The following MBTPS1 variants were observed in gnomAD, a reference collection of about 807,000 sequenced individuals.
MBTPS1 encodes the protein membrane-bound transcription factor site-1 protease.
MBTPS1 carries 94 observed loss-of-function variants against 127.8 expected under a neutral mutation model. The ratio of observed to expected loss-of-function variants is 0.74; its 90% confidence interval spans 0.62 to 0.87. The LOEUF (loss-of-function observed/expected upper bound fraction) is 0.87. Ranked by LOEUF, MBTPS1 falls within the 40% of genes least tolerant of loss-of-function variation. The pLI, the probability that MBTPS1 is intolerant of heterozygous loss-of-function variation, is 0.00. For synonymous variants in MBTPS1, 632 were observed against 509.4 expected (o/e 1.24, Z -3.24); for missense variants, 1,636 against 1,353.2 (o/e 1.21, Z -3.28).
chr16:84,093,565 G>C (rs1333427425), intron 5 of MBTPS1, 146 bp downstream of exon 5: 2 of 680,588 alleles, frequency 2.9e-6, no homozygotes, highest in East Asian at 5.4e-5. Context: ...CATCCTATGA[G>C]GTATTCAGAG....
chr16:84,115,928 G>A (rs1047487063), intron 1 of MBTPS1, among the ~76,000 whole-genome samples: 2 of 122,100 alleles, frequency 1.6e-5, no homozygotes, highest in Non-Finnish European at 3.3e-5. Context: ...AATAATAAAA[G>A]CGGATTCTCC....
At chr16:84,085,581 CAA>C (rs71148876) in intron 9 of MBTPS1, among the ~76,000 whole-genome samples, 18,242 of 108,342 alleles carry the variant, frequency 0.17, 2,258 homozygotes, top group Non-Finnish European at 0.21. Context: ...GCCCCCCCCC[CAA>C]AAAAAAAGAG....
intron 15 of MBTPS1, 91 bp from the exon 16 acceptor site, chr16:84,067,914 A>C: frequency 8.6e-5 from 109 of 1,261,490 alleles, no homozygotes; most frequent in Non-Finnish European, 1.1e-4. Flanking sequence ...TACATGTCTC[A>C]GGTTACTGAC....
intron 19 of MBTPS1, 90 bp from the exon 20 acceptor site, chr16:84,060,903 A>G: frequency 3.2e-6 from 4 of 1,262,212 alleles, no homozygotes; most frequent in Non-Finnish European, 4.4e-6. Flanking sequence ...GCGCAATCAT[A>G]GCTCACTGCA....
intron 12 of MBTPS1, among the ~76,000 whole-genome samples, chr16:84,071,203 C>T (rs974041857): frequency 2.6e-5 from 4 of 152,168 alleles, no homozygotes; most frequent in African/African-American, 4.8e-5. Context: ...CCAGCTGTCC[C>T]GAGTCACATT....
At position 84,113,382 on chromosome 16, in the gene MBTPS1, T is replaced by C. The variant is rs893016122; in HGVS notation, c.-325+3353A>G. ...CGTACCTATGGGTTTTTCATGAGAA[T>C]GATTACACCTCTAATACACGTATAA... On this transcript the variant is annotated intron_variant, in intron 1 of 22. Coordinates refer to ENST00000343411, the MANE Select transcript of MBTPS1 (RefSeq NM_003791.4). Among the ~76,000 whole-genome samples the C allele has an allele frequency of 5.9e-5, 9 of 152,346 alleles. No individual in the cohort carries two copies. The East Asian group carries it at 9.6e-4, about 16-fold the overall frequency.
intron 4 of MBTPS1, among the ~76,000 whole-genome samples, chr16:84,094,613 A>T (rs929815491): frequency 5.3e-5 from 8 of 152,244 alleles, no homozygotes; most frequent in African/African-American, 1.9e-4. Flanking sequence ...TATCAATACT[A>T]TGTTAAATAA....
At chr16:84,084,894 G>A in intron 10 of MBTPS1, 89 bp downstream of exon 10, 1 of 1,425,814 alleles carries the variant, frequency 7.0e-7, no homozygotes, top group South Asian at 1.3e-5. Flanking sequence ...CCAAGACAGG[G>A]CAGAAGCAAG....
chr16:84,115,762 G>T (rs1051008703), intron 1 of MBTPS1, among the ~76,000 whole-genome samples: 1 of 152,210 alleles, frequency 6.6e-6, no homozygotes, highest in Non-Finnish European at 1.5e-5. Context: ...GGCATCAGAG[G>T]TCTTGGGGTA....
At chr16:84,091,577 T>C (rs1350525328) in intron 7 of MBTPS1, among the ~76,000 whole-genome samples, 155 bp downstream of exon 7, 1 of 151,114 alleles carries the variant, frequency 6.6e-6, no homozygotes. Context: ...ATTTATGACA[T>C]GCAAATCACT....
At chr16:84,066,127 C>G (rs1478499270) in intron 17 of MBTPS1, among the ~76,000 whole-genome samples, 1 of 152,164 alleles carries the variant, frequency 6.6e-6, no homozygotes, top group Non-Finnish European at 1.5e-5. Context: ...GTTCTCAAAA[C>G]CAGCTACCAA....
chr16:84,114,923 G>A (rs1003496196), intron 1 of MBTPS1, among the ~76,000 whole-genome samples: 1 of 150,556 alleles, frequency 6.6e-6, no homozygotes, highest in Non-Finnish European at 1.5e-5. Flanking sequence ...AGTCTTCCAA[G>A]TTTTTTTTTG....
At position 84,093,016 on chromosome 16, in the gene MBTPS1, C is replaced by A. The variant is rs985775745; in HGVS notation, c.846+172G>T. On this transcript the variant is annotated intron_variant, in intron 6 of 22. Coordinates refer to ENST00000343411, the MANE Select transcript of MBTPS1 (RefSeq NM_003791.4). ...GACACAGTGGTTGGTGGGAGAAGGG[C>A]GGAGCCACCCAGGAGGCAGAGGAAC... Among the ~76,000 whole-genome samples the A allele has an allele frequency of 2.0e-5, 3 of 152,166 alleles. No individual in the cohort carries two copies. The South Asian group carries it at 6.2e-4, about 32-fold the overall frequency.
intron 10 of MBTPS1, among the ~76,000 whole-genome samples, chr16:84,082,534 G>C (rs182040219): frequency 6.6e-6 from 1 of 152,282 alleles, no homozygotes; most frequent in East Asian, 1.9e-4. Context: ...GACCTGGCTA[G>C]GAACTTAGCC....
In MBTPS1 at chr16:84,116,769, G is replaced by A. The variant is rs1483465562; in HGVS notation, c.-359C>T. The A allele has an allele frequency of 6.6e-6, 1 of 152,094 alleles. No homozygotes were observed. The highest frequency in any genetic ancestry group is 1.5e-5 in the Non-Finnish European group (1 of 68,024). 9.4% of individuals were successfully genotyped at this position (152,094 alleles called of 1,614,324 possible). ...CGGGAGCTCAGGGCCGGCGGGCCCGGGATAACGGCGCCTCCGCGGCGAACA... is the reference window on the plus strand; with the variant it reads ...CGGGAGCTCAGGGCCGGCGGGCCCGAGATAACGGCGCCTCCGCGGCGAACA... On this transcript the variant is annotated 5_prime_UTR_variant, in exon 1 of 23. Coordinates refer to ENST00000343411, the MANE Select transcript of MBTPS1 (RefSeq NM_003791.4).
At chr16:84,082,129 T>C (rs138692427) in intron 10 of MBTPS1, 179 of 364,146 alleles carry the variant, frequency 4.9e-4, no homozygotes, top group African/African-American at 3.5e-3. Context: ...GACCCACTTA[T>C]GCTAAATGCA....
At position 84,102,109 on chromosome 16, in the gene MBTPS1, T is replaced by A; in HGVS notation, c.-324-2A>T. The A allele has an allele frequency of 4.9e-6, 1 of 204,776 alleles. No homozygotes were observed. The highest frequency in any genetic ancestry group is 9.9e-6 in the Non-Finnish European group (1 of 101,220). The allele number at this position is 204,776 out of a possible 1,614,324, so 12.7% of individuals were successfully genotyped here. ...ATCAATCAACCACTGTGAGCCAATCTATGAAACAAAAAACAGTGCACACAG... is the reference window on the plus strand; with the variant it reads ...ATCAATCAACCACTGTGAGCCAATCAATGAAACAAAAAACAGTGCACACAG... On this transcript the variant is annotated splice_acceptor_variant, in intron 1 of 22. Coordinates refer to ENST00000343411, the MANE Select transcript of MBTPS1 (RefSeq NM_003791.4). LOFTEE classifies it low-confidence loss of function (5UTR_SPLICE).
chr16:84,111,546 AAAAAAAG>A (rs2086397153), intron 1 of MBTPS1, among the ~76,000 whole-genome samples: 1 of 152,210 alleles, frequency 6.6e-6, no homozygotes, highest in Admixed American at 6.5e-5. Context: ...ATCTCAAAAA[AAAAAAAG>A]AAAAAAGAAA....
intron 14 of MBTPS1, among the ~76,000 whole-genome samples, chr16:84,068,730 T>C (rs2085727131): frequency 6.6e-6 from 1 of 152,244 alleles, no homozygotes; most frequent in Non-Finnish European, 1.5e-5. Flanking sequence ...TAATGTGTCC[T>C]GGACCATCAC....
Sources: allele counts gnomAD v4.1 joint callset (sites outside exome capture counted in the v4.1 genomes callset), GRCh38; gene constraint gnomAD v4.1.1; transcripts MANE v1.5; gene names NCBI Gene and HGNC (gene_info 2026-07-23, HGNC 2026-07-21).